LRFN2: variants seen among roughly 807,000 people sequenced by gnomAD.
LRFN2 encodes leucine rich repeat and fibronectin type III domain containing 2.
Under a neutral mutation model 37.3 loss-of-function variants are expected in LRFN2, and 18 were observed. That is an observed-to-expected ratio of 0.48 (90% CI 0.33 to 0.72). The LOEUF is 0.72. Ranked by LOEUF, LRFN2 falls within the 30% of genes least tolerant of loss-of-function variation. The probability of loss-of-function intolerance (pLI) is 0.02; values close to 1 mark genes in which losing one functional copy is unlikely to be tolerated. For synonymous variants in LRFN2, 556 were observed against 466.6 expected (o/e 1.19, Z -2.47); for missense variants, 1,006 against 1,060.7 (o/e 0.95, Z 0.72).
At chr6:40,503,715 A>G (rs1765451364) in intron 1 of LRFN2, among the ~76,000 whole-genome samples, 1 of 152,178 alleles carries the variant, frequency 6.6e-6, no homozygotes, top group African/African-American at 2.4e-5. Flanking sequence ...CAACACCAGT[A>G]TGTGCCAAGG....
intron 1 of LRFN2, among the ~76,000 whole-genome samples, chr6:40,547,291 G>C (rs919166020): frequency 9.9e-5 from 15 of 152,016 alleles, no homozygotes; most frequent in Non-Finnish European, 2.2e-4. Context: ...TTTTAGTAGA[G>C]ACAGAGTTTC....
chr6:40,423,417 C>T (rs748698892), intron 2 of LRFN2, among the ~76,000 whole-genome samples: 54 of 152,120 alleles, frequency 3.5e-4, no homozygotes, highest in Non-Finnish European at 7.1e-4. Context: ...ACCAGTATGC[C>T]GCTGTTAACT....
At chr6:40,422,427 G>C (rs1320684909) in intron 2 of LRFN2, among the ~76,000 whole-genome samples, 4 of 152,104 alleles carry the variant, frequency 2.6e-5, no homozygotes, top group Non-Finnish European at 2.9e-5. Context: ...ACCAACCCAA[G>C]CTGACTCAGA....
chr6:40,463,535 AC>A (rs781168362), intron 1 of LRFN2, among the ~76,000 whole-genome samples: 1 of 152,138 alleles, frequency 6.6e-6, no homozygotes, highest in Non-Finnish European at 1.5e-5. Context: ...CTAGTGTCCC[AC>A]AACCACATTC....
At chr6:40,492,267 G>A (rs1343525424) in intron 1 of LRFN2, among the ~76,000 whole-genome samples, 1 of 152,186 alleles carries the variant, frequency 6.6e-6, no homozygotes, top group East Asian at 1.9e-4. Flanking sequence ...GGTGAGTGAA[G>A]CGTGAAGGGC....
chr6:40,559,267 A>T (rs1766948459), intron 1 of LRFN2, among the ~76,000 whole-genome samples: 7 of 152,146 alleles, frequency 4.6e-5, no homozygotes, highest in Admixed American at 4.6e-4. Context: ...CTTCCTGATG[A>T]CGCTGTAAAT....
intron 1 of LRFN2, among the ~76,000 whole-genome samples, chr6:40,531,939 G>A (rs1766351783): frequency 6.6e-6 from 1 of 152,194 alleles, no homozygotes; most frequent in Non-Finnish European, 1.5e-5. Context: ...TCCGTGCTGG[G>A]ATCTGTGAAC....
At chr6:40,404,123 CG>C (rs1762797300) in intron 2 of LRFN2, among the ~76,000 whole-genome samples, 1 of 152,142 alleles carries the variant, frequency 6.6e-6, no homozygotes, top group Non-Finnish European at 1.5e-5. Flanking sequence ...ATCAACACTG[CG>C]GGCTTCCCCA....
intron 1 of LRFN2, among the ~76,000 whole-genome samples, chr6:40,520,587 C>T (rs1314112126): frequency 6.6e-6 from 1 of 152,184 alleles, no homozygotes; most frequent in Non-Finnish European, 1.5e-5. Context: ...CTCCCATCCT[C>T]ATCGGGAAGG....
intron 1 of LRFN2, among the ~76,000 whole-genome samples, chr6:40,513,390 C>T (rs1418906301): frequency 5.9e-5 from 9 of 152,028 alleles, no homozygotes; most frequent in African/African-American, 9.7e-5. Context: ...CATGCCACCA[C>T]GTCCAGCTAA....
chr6:40,477,049 A>C (rs1764725113), intron 1 of LRFN2, among the ~76,000 whole-genome samples: 1 of 152,232 alleles, frequency 6.6e-6, no homozygotes, highest in Non-Finnish European at 1.5e-5. Flanking sequence ...TATCTAGGTC[A>C]GCAGTCTCCA....
At chr6:40,475,103 G>C (rs768973777) in intron 1 of LRFN2, among the ~76,000 whole-genome samples, 3 of 152,184 alleles carry the variant, frequency 2.0e-5, no homozygotes, top group Admixed American at 1.3e-4. Flanking sequence ...GCCTCCAGGG[G>C]TCAGTATGGC....
In LRFN2 at chr6:40,549,748, A is replaced by G. The variant is rs1766734356; in HGVS notation, c.-19+37193T>C. ...ACCATGCACAAACAACTGTTGAAAT[A>G]ATCCCTCTGCCAGGAGTGGTGGCTC... On this transcript the variant is annotated intron_variant, in intron 1 of 2. Transcript: ENST00000338305. 2.0e-5 allele frequency among the ~76,000 whole-genome samples: 3 copies of G among 151,540 alleles called. No individual in the cohort carries two copies. In the Admixed American group the frequency reaches 2.0e-4, roughly 10 times the overall value.
At chr6:40,573,132 C>T (rs563555676) in intron 1 of LRFN2, among the ~76,000 whole-genome samples, 1 of 152,348 alleles carries the variant, frequency 6.6e-6, no homozygotes, top group East Asian at 1.9e-4. Context: ...ATCCTGCCTT[C>T]ATCACTTACA....
At chr6:40,520,466 C>T (rs1766028638) in intron 1 of LRFN2, among the ~76,000 whole-genome samples, 1 of 152,168 alleles carries the variant, frequency 6.6e-6, no homozygotes, top group Non-Finnish European at 1.5e-5. Flanking sequence ...TAGGTTTATG[C>T]TCCCATTGCA....
At position 40,432,757 on chromosome 6, in the gene LRFN2, G is replaced by T. The variant is rs372047255; in HGVS notation, c.357C>A (p.Thr119=). The T allele has an allele frequency of 5.8e-5, 93 of 1,614,074 alleles. No individual in the cohort carries two copies. The African/African-American group carries it at 1.2e-3, about 20-fold the overall frequency. ...GCTGCAGGTTGACCAGGCCCCGGAG[G>T]GTGTCCTCCCCAAGGCTTGGCAGCC... is the stretch of plus-strand genomic sequence containing the variant. The part of the protein sequence containing the change: ...SNRLPSLGED[T]LRGLVNLQHL... The change falls in exon 2 of 3, where the codon ACC becomes ACA. Residue 119 remains threonine (T), a synonymous_variant. Coordinates refer to ENST00000338305, the MANE Select transcript of LRFN2 (RefSeq NM_020737.3).
chr6:40,430,285 T>C (rs1013974563), intron 2 of LRFN2, among the ~76,000 whole-genome samples: 1 of 152,128 alleles, frequency 6.6e-6, no homozygotes, highest in African/African-American at 2.4e-5. Context: ...TCACATTGAC[T>C]CTATTCTTCC....
intron 1 of LRFN2, among the ~76,000 whole-genome samples, chr6:40,525,645 C>A (rs554799541): frequency 6.6e-6 from 1 of 152,228 alleles, no homozygotes; most frequent in Non-Finnish European, 1.5e-5. Context: ...TGCTCCGAGC[C>A]CACCCTTTGC....
intron 2 of LRFN2, among the ~76,000 whole-genome samples, chr6:40,418,775 G>A (rs571380661): frequency 5.3e-5 from 8 of 152,280 alleles, no homozygotes; most frequent in African/African-American, 1.9e-4. Flanking sequence ...ACCTCATAGG[G>A]TTAACATGAG....
Sources: allele counts gnomAD v4.1 joint callset (sites outside exome capture counted in the v4.1 genomes callset), GRCh38; gene constraint gnomAD v4.1.1; transcripts MANE v1.5; gene names NCBI Gene and HGNC (gene_info 2026-07-23, HGNC 2026-07-21).